Variants in KCTD16 observed in about 807,000 individuals in gnomAD.
KCTD16 encodes potassium channel tetramerization domain containing 16.
A neutral mutation model predicts 33.2 loss-of-function variants in KCTD16; 13 were observed. That is an observed-to-expected ratio of 0.39 (90% CI 0.25 to 0.62). The LOEUF is 0.62. Among genes scored for constraint, KCTD16 ranks in the 20% least tolerant of loss-of-function variants. KCTD16 has a pLI of 0.50. For missense variants in KCTD16, 441 were observed against 525.1 expected, an observed-to-expected ratio of 0.84 and a Z score of 1.57; for synonymous variants, 197 against 195.3, an observed-to-expected ratio of 1.01 and a Z score of -0.07.
At chr5:144,173,124 A>G (rs1466810262) in intron 1 of KCTD16, among the ~76,000 whole-genome samples, 1 of 152,252 alleles carries the variant, frequency 6.6e-6, no homozygotes, top group East Asian at 1.9e-4. Flanking sequence ...CAATCCCATT[A>G]CTGGGAATAC....
chr5:144,227,393 T>C (rs1753966311), intron 3 of KCTD16, among the ~76,000 whole-genome samples: 1 of 152,136 alleles, frequency 6.6e-6, no homozygotes, highest in Non-Finnish European at 1.5e-5. Flanking sequence ...AAGGGTAGTG[T>C]AGCTGGAACT....
At chr5:144,275,105 T>C (rs1232435937) in intron 3 of KCTD16, among the ~76,000 whole-genome samples, 4 of 152,172 alleles carry the variant, frequency 2.6e-5, no homozygotes, top group Non-Finnish European at 5.9e-5. Flanking sequence ...AAATGCAAAT[T>C]GCTACAGTGT....
At chr5:144,248,571 C>G (rs1438954055) in intron 3 of KCTD16, among the ~76,000 whole-genome samples, 4 of 152,192 alleles carry the variant, frequency 2.6e-5, no homozygotes, top group Admixed American at 6.5e-5. Context: ...TCTGGCTGCT[C>G]TTTTGAAAAT....
chr5:144,239,376 G>C (rs138105633), intron 3 of KCTD16, among the ~76,000 whole-genome samples: 1 of 152,100 alleles, frequency 6.6e-6, no homozygotes, highest in South Asian at 2.1e-4. Flanking sequence ...TCCCTGAAAG[G>C]CTTTATTTTA....
chr5:144,388,842 C>CA (rs1210211679), intron 3 of KCTD16, among the ~76,000 whole-genome samples: 2 of 152,136 alleles, frequency 1.3e-5, no homozygotes, highest in East Asian at 3.9e-4. Context: ...GTGAACAAAA[C>CA]AAAGACTTTG....
Position 144,482,850 on chromosome 5 carries a change from A to G in KCTD16, c.*8736A>G, listed in dbSNP as rs1284493148. 3 of 151,784 alleles carry G rather than the reference A, an allele frequency of 2.0e-5. No homozygotes were observed. Among genetic ancestry groups the G allele is most frequent in the Non-Finnish European group, 2.9e-5 (2 of 67,876 alleles). The allele number at this position is 151,784 out of a possible 1,614,324, so 9.4% of individuals were successfully genotyped here. ...GTATACACCCATAAACAAAGCTCAT[A>G]GTTTAAAACTTTGGAATTTTCAGTT... On this transcript the variant is annotated 3_prime_UTR_variant, in exon 4 of 4. Coordinates refer to ENST00000512467, the MANE Select transcript of KCTD16 (RefSeq NM_020768.4).
chr5:144,344,234 T>C (rs1227286139), intron 3 of KCTD16, among the ~76,000 whole-genome samples: 1 of 152,166 alleles, frequency 6.6e-6, no homozygotes, highest in Non-Finnish European at 1.5e-5. Flanking sequence ...ACTTAAACGT[T>C]ATACCTAAAA....
At chr5:144,404,539 G>A (rs1014173492) in intron 3 of KCTD16, among the ~76,000 whole-genome samples, 1 of 152,096 alleles carries the variant, frequency 6.6e-6, no homozygotes, top group Non-Finnish European at 1.5e-5. Flanking sequence ...GGGTCACAGG[G>A]ATACTAAAAC....
chr5:144,439,147 T>C (rs1237220993), intron 3 of KCTD16: 1 of 165,670 alleles, frequency 6.0e-6, no homozygotes, highest in Non-Finnish European at 1.3e-5. Context: ...TATTTGGTGC[T>C]GCTGGGAGTT....
At chr5:144,237,790 C>T (rs1754294183) in intron 3 of KCTD16, among the ~76,000 whole-genome samples, 1 of 152,066 alleles carries the variant, frequency 6.6e-6, no homozygotes, top group Admixed American at 6.6e-5. Context: ...AGTCCCACAG[C>T]AGAACTTAGC....
At chr5:144,373,287 A>G (rs1752010350) in intron 3 of KCTD16, among the ~76,000 whole-genome samples, 1 of 152,142 alleles carries the variant, frequency 6.6e-6, no homozygotes, top group African/African-American at 2.4e-5. Context: ...TGATAGTGAT[A>G]TGATGCAAAT....
chr5:144,227,469 G>A (rs1196767635), intron 3 of KCTD16, among the ~76,000 whole-genome samples: 2 of 152,152 alleles, frequency 1.3e-5, no homozygotes, highest in Non-Finnish European at 2.9e-5. Context: ...GATTCTGTAG[G>A]GATTTATAGG....
rs912383736 is a variant in KCTD16, at chr5:144,484,885, T to A, written c.*10771T>A. The A allele has an allele frequency of 6.6e-6, 1 of 151,956 alleles. No individual in the cohort carries two copies. The highest frequency in any genetic ancestry group is 2.4e-5 in the African/African-American group (1 of 41,422). The allele number at this position is 151,956 out of a possible 1,614,324, so 9.4% of individuals were successfully genotyped here. On this transcript the variant is annotated 3_prime_UTR_variant, in exon 4 of 4. Transcript: ENST00000512467. ...ATTGTTTACAGGTTATTTTTGTGCG[T>A]AATTGTGATAGCAGATTTAGCTCAA...
At chr5:144,441,703 C>T (rs1753712570) in intron 3 of KCTD16, among the ~76,000 whole-genome samples, 1 of 151,148 alleles carries the variant, frequency 6.6e-6, no homozygotes, top group Admixed American at 6.6e-5. Context: ...TGTAGTACCA[C>T]ACTGTCTTGA....
chr5:144,340,197 G>A (rs1385340840), intron 3 of KCTD16, among the ~76,000 whole-genome samples: 3 of 151,822 alleles, frequency 2.0e-5, no homozygotes, highest in South Asian at 2.1e-4. Context: ...GGTGGATCAC[G>A]AGGTCAGGAG....
At chr5:144,371,524 C>T (rs1437755151) in intron 3 of KCTD16, among the ~76,000 whole-genome samples, 1 of 152,094 alleles carries the variant, frequency 6.6e-6, no homozygotes, top group Non-Finnish European at 1.5e-5. Context: ...TCACACATTC[C>T]CACCAGGGAG....
At chr5:144,343,558 GT>G (rs1274405656) in intron 3 of KCTD16, among the ~76,000 whole-genome samples, 2 of 151,698 alleles carry the variant, frequency 1.3e-5, no homozygotes, top group Non-Finnish European at 2.9e-5. Context: ...TTTTTGAAGG[GT>G]TTTTTGTGTC....
chr5:144,300,174 G>A (rs548049620), intron 3 of KCTD16, among the ~76,000 whole-genome samples: 1 of 152,220 alleles, frequency 6.6e-6, no homozygotes, highest in African/African-American at 2.4e-5. Context: ...CTTCTCGGGT[G>A]GAAGAGCATT....
chr5:144,310,546 T>C lies in KCTD16; in HGVS notation c.832+103000T>C, dbSNP rs575404528. The stretch of plus-strand genomic sequence containing the variant: ...AGGTATGAGTTTATTATACAACCTA[T>C]GTATGCAAGAAAATATAACATATGT... On this transcript the variant is annotated intron_variant, in intron 3 of 3. Transcript: ENST00000512467. 2.4e-4 allele frequency among the ~76,000 whole-genome samples: 36 copies of C among 151,946 alleles called. No homozygotes were observed. In the South Asian group the frequency reaches 7.0e-3, roughly 30 times the overall value.
Sources: gnomAD v4.1 joint callset for allele counts (sites outside exome capture counted in the v4.1 genomes callset) on GRCh38, gnomAD v4.1.1 for gene constraint, MANE v1.5 for transcripts, NCBI Gene and HGNC (gene_info 2026-07-23, HGNC 2026-07-21) for gene names.